NBAS: variants seen among roughly 807,000 people sequenced by gnomAD.
NBAS encodes NBAS subunit of NRZ tethering complex, also known as NAG/BC035112 fusion.
A neutral mutation model predicts 302.5 loss-of-function variants in NBAS; 219 were observed. That is an observed-to-expected ratio of 0.72 (90% CI 0.65 to 0.81). The LOEUF (loss-of-function observed/expected upper bound fraction) is 0.81, where lower values mean the gene tolerates loss of function less well. Among genes scored for constraint, NBAS ranks in the 30% least tolerant of loss-of-function variants. The pLI, the probability that NBAS is intolerant of heterozygous loss-of-function variation, is 0.00. For missense variants in NBAS, 2,932 were observed against 2,841.6 expected, an observed-to-expected ratio of 1.03 and a Z score of -0.72; for synonymous variants, 1,118 against 1,021.6, an observed-to-expected ratio of 1.09 and a Z score of -1.80.
At chr2:15,014,244 G>T in the NBAS span, among the ~76,000 whole-genome samples, 1 of 152,058 alleles carries the variant, frequency 6.6e-6, no homozygotes, top group Non-Finnish European at 1.5e-5. Flanking sequence ...TATCTGGACA[G>T]AAAATCAACA....
At chr2:15,310,640 T>C (rs1671230351) in intron 38 of NBAS, among the ~76,000 whole-genome samples, 1 of 152,078 alleles carries the variant, frequency 6.6e-6, no homozygotes, top group African/African-American at 2.4e-5. Context: ...AAAGAAGAGG[T>C]AGCTGGGCAT....
chr2:15,549,599 G>A (rs557553133), intron 6 of NBAS, among the ~76,000 whole-genome samples: 1 of 152,072 alleles, frequency 6.6e-6, no homozygotes, highest in South Asian at 2.1e-4. Flanking sequence ...ATGGTGACAC[G>A]CACCTGTAGC....
At chr2:14,874,137 T>A in the NBAS span, among the ~76,000 whole-genome samples, 2,660 of 151,926 alleles carry the variant, frequency 0.018, 37 homozygotes, top group Middle Eastern at 0.027. Flanking sequence ...TTAGAGACAA[T>A]AAAGGGATAA....
chr2:14,803,257 G>A, the NBAS span, among the ~76,000 whole-genome samples: 1 of 152,144 alleles, frequency 6.6e-6, no homozygotes, highest in African/African-American at 2.4e-5. Context: ...TCCAGTGATT[G>A]TCTCCTGTAA....
At chr2:15,439,326 G>C (rs923966099) in intron 21 of NBAS, among the ~76,000 whole-genome samples, 4 of 137,296 alleles carry the variant, frequency 2.9e-5, no homozygotes, top group African/African-American at 1.1e-4. Flanking sequence ...AAAAAAAAAA[G>C]AATATTACCC....
intron 12 of NBAS, among the ~76,000 whole-genome samples, chr2:15,488,377 T>C (rs1160883301): frequency 6.6e-6 from 1 of 152,174 alleles, no homozygotes; most frequent in African/African-American, 2.4e-5. Flanking sequence ...TGTCACTACA[T>C]AACAAAATCA....
chr2:14,901,966 C>A, the NBAS span, among the ~76,000 whole-genome samples: 1 of 152,206 alleles, frequency 6.6e-6, no homozygotes, highest in African/African-American at 2.4e-5. Flanking sequence ...GCTGTCCTCT[C>A]GCGATAACAG....
At chr2:14,949,521 T>A in the NBAS span, among the ~76,000 whole-genome samples, 22 of 151,986 alleles carry the variant, frequency 1.4e-4, no homozygotes, top group Non-Finnish European at 1.5e-5. Context: ...GAAATGAAAA[T>A]CAAAACTACA....
At chr2:14,810,571 A>C in the NBAS span, among the ~76,000 whole-genome samples, 3 of 152,174 alleles carry the variant, frequency 2.0e-5, no homozygotes, top group Non-Finnish European at 4.4e-5. Flanking sequence ...GGTCTTGGGC[A>C]TGTCTTTATC....
the NBAS span, among the ~76,000 whole-genome samples, chr2:14,825,996 C>G: frequency 1.3e-5 from 2 of 152,246 alleles, no homozygotes; most frequent in South Asian, 2.1e-4. Context: ...ATCCAATAGT[C>G]CAGGATTCAA....
At position 15,458,617 on chromosome 2, in the gene NBAS, G is replaced by A. The variant is rs543272522; in HGVS notation, c.2339+2584C>T. ...GCTCTCACCAGAAGCAGATGCCAGA[G>A]CTATGCTTCTTGTACAGTCTGTGCA... is the stretch of plus-strand genomic sequence containing the variant. On this transcript the variant is annotated intron_variant, in intron 21 of 51. Coordinates refer to ENST00000281513, the MANE Select transcript of NBAS (RefSeq NM_015909.4). Among the ~76,000 whole-genome samples the A allele has an allele frequency of 3.0e-3, 460 of 152,256 alleles. 4 individuals are homozygous for A. Among genetic ancestry groups the A allele is most frequent in the African/African-American group, 0.011 (439 of 41,548 alleles).
the NBAS span, among the ~76,000 whole-genome samples, chr2:15,040,311 A>G: frequency 9.9e-3 from 1,505 of 152,306 alleles, 24 homozygotes; most frequent in African/African-American, 0.035. Context: ...AGAGGTTACA[A>G]TGACTTTCCC....
At chr2:14,796,787 C>A in the NBAS span, among the ~76,000 whole-genome samples, 1 of 151,878 alleles carries the variant, frequency 6.6e-6, no homozygotes, top group Non-Finnish European at 1.5e-5. Context: ...TGCTTTTTAA[C>A]CAATCAAATG....
the NBAS span, among the ~76,000 whole-genome samples, chr2:14,983,862 T>G: frequency 6.6e-6 from 1 of 152,074 alleles, no homozygotes; most frequent in Non-Finnish European, 1.5e-5. Context: ...AGAACTTGAT[T>G]CTGTGGTTTA....
chr2:15,558,691 T>A, intron 1 of NBAS, 57 bp from the exon 2 acceptor site: 1 of 1,258,338 alleles, frequency 7.9e-7, no homozygotes. Flanking sequence ...ATTAGACCAG[T>A]ATTACTTATA....
rs1404794756 is a variant in NBAS at position 15,210,294 on chromosome 2, G to C, written c.6432+8479C>G. 2.6e-5 allele frequency among the ~76,000 whole-genome samples: 4 copies of C among 151,946 alleles called. No individual in the cohort carries two copies. In the East Asian group the frequency reaches 5.8e-4, roughly 22 times the overall value. On this transcript the variant is annotated intron_variant, in intron 48 of 51. Coordinates refer to ENST00000281513, the MANE Select transcript of NBAS (RefSeq NM_015909.4). ...ACTATAGAAAAAAAATAATTATCTG[G>C]TTAAAAAATGGGCGAAAATCTGAAT...
At chr2:15,337,117 T>C (rs1672619433) in intron 35 of NBAS, among the ~76,000 whole-genome samples, 1 of 152,134 alleles carries the variant, frequency 6.6e-6, no homozygotes, top group South Asian at 2.1e-4. Context: ...CTACAAACAA[T>C]TAAAAAATCC....
Position 15,411,836 on chromosome 2 carries a change from A to T in NBAS, c.2937+3710T>A, listed in dbSNP as rs566569809. On this transcript the variant is annotated intron_variant, in intron 25 of 51. Transcript: ENST00000281513. ...TAGAAAATGCTAAGAAAAAATGCAC[A>T]TGGTTCTGAGGCACAGATACACTCA... Among the ~76,000 whole-genome samples, 80 of 152,300 alleles carry T rather than the reference A, an allele frequency of 5.3e-4. 1 individual carries two copies. Among genetic ancestry groups the T allele is most frequent in the African/African-American group, 1.8e-3 (76 of 41,558 alleles).
At chr2:14,875,235 C>T in the NBAS span, among the ~76,000 whole-genome samples, 2 of 151,948 alleles carry the variant, frequency 1.3e-5, no homozygotes, top group East Asian at 1.9e-4. Flanking sequence ...CCCAAGAAAT[C>T]GACCAAAAAA....
Sources: gnomAD v4.1 joint callset for allele counts (sites outside exome capture counted in the v4.1 genomes callset) on GRCh38, gnomAD v4.1.1 for gene constraint, MANE v1.5 for transcripts, NCBI Gene and HGNC (gene_info 2026-07-23, HGNC 2026-07-21) for gene names.